METTL15: variants seen among roughly 807,000 people sequenced by gnomAD.
The protein encoded by METTL15 is 12S rRNA N(4)-cytidine methyltransferase METTL15.
Under a neutral mutation model 38.3 loss-of-function variants are expected in METTL15, and 34 were observed. That is an observed-to-expected ratio of 0.89 (90% CI 0.68 to 1.18). The LOEUF (loss-of-function observed/expected upper bound fraction) is 1.18, where lower values mean the gene tolerates loss of function less well. Among genes scored for constraint, METTL15 ranks in the 50% most tolerant of loss-of-function variants. METTL15 has a pLI of 0.00. For missense variants in METTL15, 438 were observed against 498.4 expected (o/e 0.88, Z 1.15); for synonymous variants, 162 against 170.9 (o/e 0.95, Z 0.41).
chr11:28,490,019 A>G (rs1322133358), intron 6 of METTL15, among the ~76,000 whole-genome samples: 2 of 152,042 alleles, frequency 1.3e-5, no homozygotes, highest in Non-Finnish European at 2.9e-5. Context: ...TGCTAGTGGT[A>G]GGGGTAGAAG....
chr11:28,275,279 T>C (rs903259572), intron 4 of METTL15, among the ~76,000 whole-genome samples: 7 of 151,658 alleles, frequency 4.6e-5, no homozygotes, highest in African/African-American at 1.7e-4. Flanking sequence ...AAGGAGACAT[T>C]ACAGCTTATA....
chr11:28,465,002 T>G (rs1851245128), intron 6 of METTL15, among the ~76,000 whole-genome samples: 2 of 152,168 alleles, frequency 1.3e-5, no homozygotes, highest in South Asian at 4.1e-4. Flanking sequence ...ACTCACTCTA[T>G]TTCCTTTTCT....
At chr11:28,410,942 A>G (rs1850719144) in intron 5 of METTL15, 1 of 152,108 alleles carries the variant, frequency 6.6e-6, no homozygotes, top group Admixed American at 6.6e-5. Flanking sequence ...CAAAATCAAC[A>G]TACAAATAGC....
chr11:28,389,594 T>G (rs920275349), intron 5 of METTL15, among the ~76,000 whole-genome samples: 8 of 152,000 alleles, frequency 5.3e-5, no homozygotes, highest in East Asian at 1.9e-4. Context: ...GCATTCCATG[T>G]TGTATATGTG....
At chr11:28,388,239 A>G (rs1850461937) in intron 5 of METTL15, among the ~76,000 whole-genome samples, 3 of 152,042 alleles carry the variant, frequency 2.0e-5, no homozygotes, top group Admixed American at 2.0e-4. Flanking sequence ...AAGAAATAAA[A>G]CTTATACAAG....
intron 5 of METTL15, among the ~76,000 whole-genome samples, chr11:28,390,017 G>A (rs1170248413): frequency 6.6e-6 from 1 of 151,670 alleles, no homozygotes; most frequent in African/African-American, 2.4e-5. Flanking sequence ...TCTTTTGGCT[G>A]CATAAATGTC....
intron 5 of METTL15, among the ~76,000 whole-genome samples, chr11:28,386,518 C>T (rs1397200176): frequency 6.6e-6 from 1 of 151,628 alleles, no homozygotes; most frequent in Non-Finnish European, 1.5e-5. Context: ...ATCAATTCAC[C>T]AAGAAGATAT....
At chr11:28,276,784 A>G (rs1855858757) in intron 4 of METTL15, among the ~76,000 whole-genome samples, 1 of 152,222 alleles carries the variant, frequency 6.6e-6, no homozygotes, top group Non-Finnish European at 1.5e-5. Context: ...ATATATTTAC[A>G]GCCAGCTGAT....
At chr11:28,531,293 C>G (rs1052722074), downstream of METTL15, among the ~76,000 whole-genome samples, 2 of 152,032 alleles carry the variant, frequency 1.3e-5, no homozygotes, top group African/African-American at 4.8e-5. Flanking sequence ...TCTACACTAT[C>G]TTTTCCTTGT....
At chr11:28,518,171 A>G (rs184313800) in intron 6 of METTL15, among the ~76,000 whole-genome samples, 4 of 152,300 alleles carry the variant, frequency 2.6e-5, no homozygotes, top group South Asian at 2.1e-4. Flanking sequence ...AAAGGTTTAA[A>G]AAAAAAGCAT....
chr11:28,502,450 G>T (rs1241903555), intron 6 of METTL15, among the ~76,000 whole-genome samples: 1 of 152,148 alleles, frequency 6.6e-6, no homozygotes, highest in Non-Finnish European at 1.5e-5. Context: ...CAAACCCATG[G>T]TGGGCTTTTA....
intron 3 of METTL15, among the ~76,000 whole-genome samples, chr11:28,168,494 T>G (rs1850735516): frequency 6.6e-6 from 1 of 151,832 alleles, no homozygotes; most frequent in Non-Finnish European, 1.5e-5. Flanking sequence ...TACTTTAAGT[T>G]TTAGGGTACA....
intron 3 of METTL15, among the ~76,000 whole-genome samples, chr11:28,115,874 A>G (rs1851922404): frequency 6.6e-6 from 1 of 151,372 alleles, no homozygotes; most frequent in South Asian, 2.1e-4. Context: ...ACACATATAT[A>G]TGTGTGTATA....
chr11:28,437,759 A>T (rs1162407507), intron 6 of METTL15, among the ~76,000 whole-genome samples: 2 of 152,350 alleles, frequency 1.3e-5, no homozygotes, highest in South Asian at 4.1e-4. Context: ...CTGACACCCC[A>T]GCTAGATTGA....
chr11:28,414,605 C>T (rs1346218657), intron 5 of METTL15, among the ~76,000 whole-genome samples: 1 of 152,138 alleles, frequency 6.6e-6, no homozygotes, highest in Non-Finnish European at 1.5e-5. Flanking sequence ...TATTTGATGC[C>T]ATGTTTCAAT....
chr11:28,196,283 G>A (rs571746063), intron 3 of METTL15, among the ~76,000 whole-genome samples: 2 of 152,048 alleles, frequency 1.3e-5, no homozygotes, highest in East Asian at 3.9e-4. Context: ...TATATAGACT[G>A]CTTTGGGCAG....
intron 6 of METTL15, among the ~76,000 whole-genome samples, chr11:28,448,313 C>T (rs1851091757): frequency 6.6e-6 from 1 of 152,202 alleles, no homozygotes; most frequent in Non-Finnish European, 1.5e-5. Flanking sequence ...TCTCTGGTGA[C>T]TACATCCACC....
chr11:28,314,326 A>G (rs1857406149), intron 6 of METTL15, among the ~76,000 whole-genome samples: 2 of 152,170 alleles, frequency 1.3e-5, no homozygotes, highest in African/African-American at 4.8e-5. Flanking sequence ...AAGGCATGCA[A>G]CTTTATCTTC....
chr11:28,397,113 T>C (rs1389400103), intron 5 of METTL15, among the ~76,000 whole-genome samples: 3 of 152,192 alleles, frequency 2.0e-5, no homozygotes, highest in Admixed American at 2.0e-4. Context: ...AAGACTTAAA[T>C]GTTAGACCTA....
Sources: gnomAD v4.1 joint callset for allele counts (sites outside exome capture counted in the v4.1 genomes callset) on GRCh38, gnomAD v4.1.1 for gene constraint, MANE v1.5 for transcripts, NCBI Gene and HGNC (gene_info 2026-07-23, HGNC 2026-07-21) for gene names.